MYH7: variants seen among roughly 807,000 people sequenced by gnomAD.
The protein encoded by MYH7 is myosin-7.
In MYH7, 129 loss-of-function variants were observed where a neutral mutation model predicts 225.4. That is an observed-to-expected ratio of 0.57 (90% CI 0.50 to 0.66). The LOEUF (loss-of-function observed/expected upper bound fraction) is 0.66, where lower values mean the gene tolerates loss of function less well. Ranked by LOEUF, MYH7 falls within the 30% of genes least tolerant of loss-of-function variation. The pLI, the probability that MYH7 is intolerant of heterozygous loss-of-function variation, is 0.00. For synonymous variants in MYH7, 971 were observed against 1,007.6 expected, an observed-to-expected ratio of 0.96 and a Z score of 0.69; for missense variants, 1,649 against 2,517.0, an observed-to-expected ratio of 0.66 and a Z score of 7.38.
In MYH7 at chr14:23,419,396, G is replaced by T. The variant is rs45469698; in HGVS notation, c.3853+87C>A. The T allele has an allele frequency of 3.2e-5, 52 of 1,611,788 alleles. No homozygotes were observed. The African/African-American group carries it at 4.9e-4, about 15-fold the overall frequency. ...GGAGAGACTCTGTGTCTGTGTGTGC[G>T]TGTATTGGCTTGTGCCCGAGGCTGG... On this transcript the variant is annotated intron_variant, in intron 28 of 39. Coordinates refer to ENST00000355349, the MANE Select transcript of MYH7 (RefSeq NM_000257.4).
rs754016812 is a variant in MYH7 at position 23,412,892 on chromosome 14, C to T, written c.5791-21G>A. 24 of 1,613,240 alleles carry T rather than the reference C, an allele frequency of 1.5e-5. No homozygotes were observed. In the South Asian group the frequency reaches 1.8e-4, roughly 12 times the overall value. On this transcript the variant is annotated intron_variant, in intron 39 of 39. Transcript: ENST00000355349. ...AAGCCCTTTTGAAAGGAAACAAAGT[C>T]CAATCAGTCCTTGGAGAGATGGTAT...
At position 23,424,020 on chromosome 14, in the gene MYH7, T is replaced by A; in HGVS notation, c.2809A>T (p.Thr937Ser). Residue 937 changes from threonine to serine, a missense_variant, in exon 23 of 40, where the codon ACT becomes TCT. Coordinates refer to ENST00000355349, the MANE Select transcript of MYH7 (RefSeq NM_000257.4). Reference sequence around the variant, plus strand: ...TCTTCCAGCTTGCGCTTCTTGGCAGTGAGCTCAGCATTCATCTCCTCCTCA... The same window carrying A: ...TCTTCCAGCTTGCGCTTCTTGGCAGAGAGCTCAGCATTCATCTCCTCCTCA... ...EDEEEMNAEL[T>S]AKKRKLEDEC... 1 of 1,614,270 alleles carries A rather than the reference T, an allele frequency of 6.2e-7. No individual in the cohort carries two copies. Among genetic ancestry groups the A allele is most frequent in the Non-Finnish European group, 8.5e-7 (1 of 1,180,054 alleles).
At position 23,415,267 on chromosome 14, in the gene MYH7, C is replaced by A. The variant is rs727504355; in HGVS notation, c.5287G>T (p.Ala1763Ser). The change falls in exon 37 of 40, where the codon GCC (alanine) becomes TCC (serine). Residue 1763 changes from alanine to serine, a missense_variant. Ala to Ser is a moderately conservative substitution (Grantham distance 99). This residue lies in a region of MYH7 where 687 missense variants were observed against 913.8 expected (regional missense o/e 0.75). Coordinates refer to ENST00000355349, the MANE Select transcript of MYH7 (RefSeq NM_000257.4). The surrounding 1 kb of genome is among the most constrained non-coding windows in gnomAD (Gnocchi z 6.3). ...TTCTTCAGCTCCTCTGCCATCATGGCGGCCTGTGTGCAGGAGAGAGGTGGC... is the reference window on the plus strand; with the variant it reads ...TTCTTCAGCTCCTCTGCCATCATGGAGGCCTGTGTGCAGGAGAGAGGTGGC... ...EKAKKAITDA[A>S]MMAEELKKEQ... 6 of 1,614,260 alleles carry A rather than the reference C, an allele frequency of 3.7e-6. No individual in the cohort carries two copies. Among genetic ancestry groups the A allele is most frequent in the Non-Finnish European group, 5.1e-6 (6 of 1,180,056 alleles).
chr14:23,415,017 C>T lies in MYH7; in HGVS notation c.5537G>A (p.Arg1846His), dbSNP rs757803046. ...SVKGMRKSER[R>H]IKELTYQTEE... ...CACCTGGTAGGTGAGCTCCTTGATGCGCCGCTCGCTCTTCCTCATGCCCTT... is the reference window on the plus strand; with the variant it reads ...CACCTGGTAGGTGAGCTCCTTGATGTGCCGCTCGCTCTTCCTCATGCCCTT... Residue 1846 changes from arginine to histidine, a missense_variant, in exon 37 of 40, where the codon CGC becomes CAC. This residue lies in a region of MYH7 where 687 missense variants were observed against 913.8 expected (regional missense o/e 0.75). Transcript: ENST00000355349. This position sits in a 1 kb window ranked among gnomAD's most constrained non-coding sequence, Gnocchi z 6.3. The T allele has an allele frequency of 2.4e-5, 38 of 1,609,188 alleles. No homozygotes were observed. The highest frequency in any genetic ancestry group is 3.1e-5 in the Non-Finnish European group (37 of 1,179,996).
At chr14:23,430,695 C>G in intron 10 of MYH7, 32 bp from the exon 11 acceptor site, 1 of 1,576,496 alleles carries the variant, frequency 6.3e-7, no homozygotes, top group East Asian at 2.2e-5. Context: ...GGGTGGGACA[C>G]AAGCCCCCGG....
intron 18 of MYH7, 144 bp from the exon 19 acceptor site, chr14:23,426,225 T>C: frequency 3.1e-6 from 3 of 976,678 alleles, no homozygotes; most frequent in Non-Finnish European, 4.5e-6. Flanking sequence ...TCTAGCCACA[T>C]TTTTAACTAA....
intron 18 of MYH7, 145 bp downstream of exon 18, chr14:23,426,632 T>C: frequency 2.7e-6 from 2 of 744,958 alleles, no homozygotes; most frequent in Non-Finnish European, 4.8e-6. Context: ...GAGAGGGAGG[T>C]ACCCTGGGAG....
rs1361182615 is a variant in MYH7 at position 23,419,860 on chromosome 14, C to G, written c.3711G>C (p.Gln1237His). ...ELDDVTSNME[Q>H]IIKAKANLEK... Reference sequence around the variant, plus strand: ...CAGAGCCTGCCTTGGCCTTGATGATCTGCTCCATGTTGGAGGTGACGTCAT... The same window carrying G: ...CAGAGCCTGCCTTGGCCTTGATGATGTGCTCCATGTTGGAGGTGACGTCAT... The change falls in exon 27 of 40, where the codon CAG becomes CAC. Residue 1237 changes from glutamine (Q) to histidine (H), a missense_variant. Transcript: ENST00000355349. 11 of 1,613,874 alleles carry G rather than the reference C, an allele frequency of 6.8e-6. No homozygotes were observed. The highest frequency in any genetic ancestry group is 9.3e-6 in the Non-Finnish European group (11 of 1,179,860).
At chr14:23,417,868 C>A in intron 30 of MYH7, 182 bp from the exon 31 acceptor site, 1 of 970,880 alleles carries the variant, frequency 1.0e-6, no homozygotes, top group Non-Finnish European at 1.6e-6. Context: ...GCGTGGAGAC[C>A]CAGGCACCCT....
At chr14:23,422,136 A>G in intron 25 of MYH7, 44 bp downstream of exon 25, 2 of 1,611,186 alleles carry the variant, frequency 1.2e-6, no homozygotes, top group Non-Finnish European at 8.5e-7. Context: ...TTGTACTGTT[A>G]TGGGCTGGGG....
Position 23,432,476 on chromosome 14 carries a change from C to T in MYH7, c.530+3G>A, listed in dbSNP as rs2138683909. The stretch of plus-strand genomic sequence containing the variant: ...AAGGGAATACAGTAGCAGCTACACT[C>T]ACGTGATCAGGATGGACTGGTTTTC... On this transcript the variant is annotated splice_donor_region_variant and intron_variant, in intron 6 of 39. Transcript: ENST00000355349. 1 of 1,614,108 alleles carries T rather than the reference C, an allele frequency of 6.2e-7. No homozygotes were observed. The highest frequency in any genetic ancestry group is 8.5e-7 in the Non-Finnish European group (1 of 1,180,018).
Position 23,415,781 on chromosome 14 carries a change from C to A in MYH7, c.5005G>T (p.Glu1669Ter), listed in dbSNP as rs45620235. The A allele has an allele frequency of 8.7e-6, 14 of 1,614,226 alleles. No homozygotes were observed. Among genetic ancestry groups the A allele is most frequent in the Non-Finnish European group, 1.2e-5 (14 of 1,180,048 alleles). ...CGCCGCTCCACGATGGCGATGTTCT[C>A]CTTCAGGTCGTCGTTGGCACGGACT... ...DAVRANDDLK[E>*]NIAIVERRNN... Residue 1669 changes from glutamate (E) to a stop codon, truncating the protein, a stop_gained, in exon 35 of 40, where the codon GAG becomes TAG. Transcript: ENST00000355349. LOFTEE classifies it high-confidence loss of function. This position sits in a 1 kb window ranked among gnomAD's most constrained non-coding sequence, Gnocchi z 6.3.
At chr14:23,432,887 A>AAGAT in intron 4 of MYH7, 92 bp from the exon 5 acceptor site, 1 of 1,567,838 alleles carries the variant, frequency 6.4e-7, no homozygotes, top group East Asian at 2.3e-5. Context: ...GAGAGAAAGA[A>AAGAT]GAGAAAGGAA....
At chr14:23,414,959 T>C (rs1311431231) in intron 37 of MYH7, 36 bp downstream of exon 37, 2 of 1,602,260 alleles carry the variant, frequency 1.2e-6, no homozygotes, top group South Asian at 1.1e-5. Context: ...GTGGCTATGG[T>C]GCCAGGGCTC....
intron 39 of MYH7, 72 bp from the exon 40 acceptor site, chr14:23,412,943 A>G: frequency 1.3e-6 from 2 of 1,496,216 alleles, no homozygotes; most frequent in Non-Finnish European, 1.9e-6. Context: ...CATGGGAACA[A>G]AGGTGAGAGG....
In MYH7 at chr14:23,422,314, G is replaced by C; in HGVS notation, c.3111C>G (p.Ser1037=). 1 of 1,614,116 alleles carries C rather than the reference G, an allele frequency of 6.2e-7. No homozygotes were observed. Among genetic ancestry groups the C allele is most frequent in the Non-Finnish European group, 8.5e-7 (1 of 1,180,034 alleles). The stretch of plus-strand genomic sequence containing the variant: ...TGCGCACCTTCTTCTCTTGCTCCAG[G>C]GATCCTTCCAGCTGGTAGAGAGAAG... ...LEQQVDDLEG[S]LEQEKKVRMD... is the part of the protein sequence containing the mutation. The change falls in exon 25 of 40, where the codon TCC becomes TCG. Residue 1037 remains serine (S), a synonymous_variant. Transcript: ENST00000355349.
At chr14:23,418,510 A>G (rs1184272791) in intron 29 of MYH7, 104 bp from the exon 30 acceptor site, 7 of 1,346,958 alleles carry the variant, frequency 5.2e-6, no homozygotes, top group Non-Finnish European at 6.9e-6. Context: ...CCTTGGCCTC[A>G]TCTATGTCCA....
chr14:23,430,418 G>C, intron 11 of MYH7, 142 bp downstream of exon 11: 1 of 727,050 alleles, frequency 1.4e-6, no homozygotes, highest in South Asian at 1.5e-5. Context: ...AGTACACCCT[G>C]ATCACAGGGC....
At chr14:23,429,945 G>C in intron 11 of MYH7, 32 bp from the exon 12 acceptor site, 3 of 1,613,082 alleles carry the variant, frequency 1.9e-6, no homozygotes, top group Non-Finnish European at 2.5e-6. Context: ...GCGGACCCCA[G>C]AAAAAGAAGT....
Sources: allele counts gnomAD v4.1 joint callset, GRCh38; gene constraint gnomAD v4.1.1; regional missense constraint gnomAD v4.1.1; non-coding constraint Gnocchi (gnomAD v3.1); transcripts MANE v1.5; gene names NCBI Gene and HGNC (gene_info 2026-07-23, HGNC 2026-07-21).